The following CCNK variants were observed in gnomAD, a reference collection of about 807,000 sequenced individuals.
CCNK encodes the protein cyclin K.
Under a neutral mutation model 65.0 loss-of-function variants are expected in CCNK, and 9 were observed. The observed-to-expected ratio is 0.14, with a 90% CI of 0.08 to 0.24. The LOEUF is 0.24. Among genes scored for constraint, CCNK ranks in the 10% least tolerant of loss-of-function variants. CCNK has a pLI of 1.00. For missense variants in CCNK, 474 were observed against 720.0 expected, an observed-to-expected ratio of 0.66 and a Z score of 3.91; for synonymous variants, 279 against 270.8, an observed-to-expected ratio of 1.03 and a Z score of -0.30.
chr14:99,510,227 C>A lies in CCNK; in HGVS notation c.1188C>A (p.Leu396=). The change falls in exon 11 of 11, where the codon CTC becomes CTA. Residue 396 remains leucine (L), a synonymous_variant. Transcript: ENST00000389879. ...CGGGCCCTGTGGATGCCACTGACCT[C>A]CCCAAAGTCCAGATTCCCCCTCCGG... ...EPPGPVDATD[L]PKVQIPPPAH... 1 of 1,596,792 alleles carries A rather than the reference C, an allele frequency of 6.3e-7. No individual in the cohort carries two copies.
intron 10 of CCNK, 78 bp from the exon 11 acceptor site, chr14:99,510,079 G>A: frequency 7.1e-7 from 1 of 1,410,580 alleles, no homozygotes; most frequent in Non-Finnish European, 9.5e-7. Context: ...TGTAAAGATG[G>A]CCCTGAAGGG....
intron 1 of CCNK, among the ~76,000 whole-genome samples, chr14:99,490,780 T>C (rs1432857987): frequency 6.6e-6 from 1 of 151,940 alleles, no homozygotes; most frequent in Non-Finnish European, 1.5e-5. Context: ...ACAAAAAAAT[T>C]AGCCAGGCGT....
chr14:99,489,522 C>G (rs1896557062), intron 1 of CCNK, among the ~76,000 whole-genome samples: 1 of 152,114 alleles, frequency 6.6e-6, no homozygotes, highest in Non-Finnish European at 1.5e-5. Flanking sequence ...CAGAACAAGA[C>G]TCTGACTCTA....
In CCNK at chr14:99,503,033, G is replaced by A. The variant is rs184863233; in HGVS notation, c.1011+49G>A. 132 of 1,593,322 alleles carry A rather than the reference G, an allele frequency of 8.3e-5. No homozygotes were observed. The African/African-American group carries it at 1.4e-3, about 17-fold the overall frequency. ...GGGTAGAGCAGGCTTTCCAGGTGGCGGCAACACCTGAGCACTGTTCCCATT... is the reference window on the plus strand; with the variant it reads ...GGGTAGAGCAGGCTTTCCAGGTGGCAGCAACACCTGAGCACTGTTCCCATT... On this transcript the variant is annotated intron_variant, in intron 8 of 10. Transcript: ENST00000389879.
intron 1 of CCNK, among the ~76,000 whole-genome samples, chr14:99,490,271 G>A (rs1896571025): frequency 6.6e-6 from 1 of 152,198 alleles, no homozygotes; most frequent in African/African-American, 2.4e-5. Context: ...AAACCTGGTA[G>A]ACTCCATCTT....
chr14:99,504,033 G>A (rs1279614476), intron 9 of CCNK: 1 of 371,196 alleles, frequency 2.7e-6, no homozygotes, highest in Non-Finnish European at 5.3e-6. Context: ...GTGGTGTGCT[G>A]CCCGGACAGC....
Position 99,500,364 on chromosome 14 carries a change from T to G in CCNK, c.412-402T>G, listed in dbSNP as rs1248610471. On this transcript the variant is annotated intron_variant, in intron 4 of 10. Transcript: ENST00000389879. ...GAGGCTGGCTATCATAAACTCTTTC[T>G]TGCTTAAAATGTTTTCAATGAAAAT... 10 of 203,176 alleles carry G rather than the reference T, an allele frequency of 4.9e-5. No homozygotes were observed. In the Admixed American group the frequency reaches 5.4e-4, roughly 11 times the overall value. The allele number at this position is 203,176 out of a possible 1,614,324, so 12.6% of individuals were successfully genotyped here.
chr14:99,503,230 C>T, intron 8 of CCNK: 1 of 670,000 alleles, frequency 1.5e-6, no homozygotes, highest in South Asian at 1.6e-5. Flanking sequence ...TTCATCCCTG[C>T]CAGGGTTCTG....
chr14:99,490,010 G>A (rs889767130), intron 1 of CCNK, among the ~76,000 whole-genome samples: 3 of 152,176 alleles, frequency 2.0e-5, no homozygotes, highest in African/African-American at 7.2e-5. Context: ...ATCGTCTCAG[G>A]TGAATGCTAA....
chr14:99,482,923 A>T (rs1000825070), intron 1 of CCNK, among the ~76,000 whole-genome samples: 2 of 152,230 alleles, frequency 1.3e-5, no homozygotes, highest in Admixed American at 1.3e-4. Flanking sequence ...TTGGATAAGG[A>T]CAAAAAAATC....
At chr14:99,503,811 A>G in intron 9 of CCNK, 167 bp downstream of exon 9, 1 of 610,580 alleles carries the variant, frequency 1.6e-6, no homozygotes, top group Non-Finnish European at 2.9e-6. Context: ...TCACCTGATC[A>G]TAGATTCTAA....
chr14:99,507,310 C>T, intron 10 of CCNK, 163 bp downstream of exon 10: 1 of 648,286 alleles, frequency 1.5e-6, no homozygotes, highest in Non-Finnish European at 2.8e-6. Context: ...GGCACAATGG[C>T]TTGTGTTTTT....
chr14:99,502,500 T>G (rs1233179670), intron 7 of CCNK, 124 bp downstream of exon 7: 5 of 1,407,664 alleles, frequency 3.6e-6, no homozygotes, highest in Non-Finnish European at 4.7e-6. Flanking sequence ...TTCAGAAGCA[T>G]CATTAATTAA....
Position 99,510,749 on chromosome 14 carries a change from TG to T in CCNK, c.1716del (p.Leu573TrpfsTer7). The T allele has an allele frequency of 2.1e-6, 3 of 1,446,598 alleles. No homozygotes were observed. The highest frequency in any genetic ancestry group is 2.7e-6 in the Non-Finnish European group (3 of 1,100,430). The allele number at this position is 1,446,598 out of a possible 1,614,324, so 89.6% of individuals were successfully genotyped here. On this transcript the variant is annotated frameshift_variant, in exon 11 of 11. Transcript: ENST00000389879. LOFTEE classifies it high-confidence loss of function. ...PIPPPGMPPV[G>X]GLGRAAWMR The stretch of plus-strand genomic sequence containing the variant: ...TTCCCCCACCCGGCATGCCTCCAGT[TG>T]GGGGGCTGGGGCGGGCAGCCTGGAT...
intron 10 of CCNK, chr14:99,509,738 T>G: frequency 4.8e-6 from 1 of 208,712 alleles, no homozygotes; most frequent in Non-Finnish European, 9.6e-6. Context: ...AACTCTGAGG[T>G]TTTCTGCAAA....
At chr14:99,498,094 T>C (rs1343850669) in intron 4 of CCNK, among the ~76,000 whole-genome samples, 1 of 152,168 alleles carries the variant, frequency 6.6e-6, no homozygotes, top group Non-Finnish European at 1.5e-5. Context: ...TGCTTAAGGA[T>C]AAGGCATCAC....
At chr14:99,482,520 C>G (rs770440536) in intron 1 of CCNK, among the ~76,000 whole-genome samples, 54 of 152,314 alleles carry the variant, frequency 3.5e-4, no homozygotes, top group Non-Finnish European at 6.3e-4. Flanking sequence ...GTTAAATAAT[C>G]TTGACTATGA....
At chr14:99,486,537 T>C (rs1455816048) in intron 1 of CCNK, among the ~76,000 whole-genome samples, 1 of 152,276 alleles carries the variant, frequency 6.6e-6, no homozygotes, top group Non-Finnish European at 1.5e-5. Flanking sequence ...TTTATCTGTC[T>C]GATAGATATT....
rs1896872111 is a variant in CCNK at position 99,502,923 on chromosome 14, C to G, written c.950C>G (p.Ala317Gly). Residue 317 changes from alanine (A) to glycine (G), a missense_variant, in exon 8 of 11, where the codon GCC becomes GGC. Physicochemically the swap from Ala to Gly is moderately conservative, Grantham distance 60. Transcript: ENST00000389879. Reference protein sequence around the residue: ...PQQPAQQQQPAQQPKKPSPQP... With the variant: ...PQQPAQQQQPGQQPKKPSPQP... The stretch of plus-strand genomic sequence containing the variant: ...CAACCAGCCCAGCAGCAGCAGCCAG[C>G]CCAACAGCCCAAGAAACCCTCTCCG... 6.2e-7 allele frequency: 1 copy of G among 1,613,702 alleles called. No individual in the cohort carries two copies. The highest frequency in any genetic ancestry group is 1.3e-5 in the African/African-American group (1 of 74,882).
Sources: gnomAD v4.1 joint callset for allele counts (sites outside exome capture counted in the v4.1 genomes callset) on GRCh38, gnomAD v4.1.1 for gene constraint, MANE v1.5 for transcripts, NCBI Gene and HGNC (gene_info 2026-07-23, HGNC 2026-07-21) for gene names.